Variants in BRF1 observed in about 807,000 individuals in gnomAD.
The protein encoded by BRF1 is transcription factor IIIB 90 kDa subunit.
In BRF1, 59 loss-of-function variants were observed where a neutral mutation model predicts 81.7. The observed-to-expected ratio is 0.72, with a 90% CI of 0.59 to 0.90. The LOEUF (loss-of-function observed/expected upper bound fraction) is 0.90. Ranked by LOEUF, BRF1 falls within the 40% of genes least tolerant of loss-of-function variation. The pLI is 0.00. For synonymous variants in BRF1, 491 were observed against 395.6 expected (o/e 1.24, Z -2.86); for missense variants, 1,050 against 936.3 (o/e 1.12, Z -1.58).
At position 105,286,340 on chromosome 14, in the gene BRF1, T is replaced by A; in HGVS notation, c.221A>T (p.His74Leu). Residue 74 changes from histidine to leucine, a missense_variant, in exon 2 of 18, where the codon CAC becomes CTC. Physicochemically the swap from His to Leu is moderately conservative, Grantham distance 99 (BLOSUM62 -3). This residue lies in a region of BRF1 where 1,043 missense variants were observed against 915.4 expected (regional missense o/e 1.14). Coordinates refer to ENST00000547530, the MANE Select transcript of BRF1 (RefSeq NM_001519.4). ...TCTCGACTCCTTCCCCAGATTCACGTGGAAGCCGCCACCCAGAGTCGGGGT... is the reference window on the plus strand; with the variant it reads ...TCTCGACTCCTTCCCCAGATTCACGAGGAAGCCGCCACCCAGAGTCGGGGT... The part of the protein sequence containing the change: ...GKTPTLGGGF[H>L]VNLGKESRAQ... 4 of 1,613,756 alleles carry A rather than the reference T, an allele frequency of 2.5e-6. No homozygotes were observed. The South Asian group carries it at 3.3e-5, about 13-fold the overall frequency.
chr14:105,289,366 C>A (rs1328001072), intron 1 of BRF1, among the ~76,000 whole-genome samples: 4 of 152,178 alleles, frequency 2.6e-5, no homozygotes, highest in Non-Finnish European at 1.5e-5. Context: ...TAAACAGAAG[C>A]TGGAGCAGGT....
chr14:105,211,294 C>A lies in BRF1; in HGVS notation c.1825-1G>T. 6.3e-7 allele frequency: 1 copy of A among 1,591,250 alleles called. No individual in the cohort carries two copies. The highest frequency in any genetic ancestry group is 8.6e-7 in the Non-Finnish European group (1 of 1,168,276). On this transcript the variant is annotated splice_acceptor_variant, in intron 16 of 17. Coordinates refer to ENST00000547530, the MANE Select transcript of BRF1 (RefSeq NM_001519.4). LOFTEE classifies it high-confidence loss of function. The stretch of plus-strand genomic sequence containing the variant: ...GGGTGGGAGAGCTTGGGAGCAAAGC[C>A]TGGAACGAAGTGGGGCTCTGACACA...
chr14:105,249,029 CA>C, intron 5 of BRF1: 3 of 1,190,200 alleles, frequency 2.5e-6, no homozygotes, highest in Non-Finnish European at 3.1e-6. Context: ...CCACACTCGG[CA>C]ACAACCACCA....
chr14:105,217,601 C>T lies in BRF1; in HGVS notation c.1715G>A (p.Arg572Gln), dbSNP rs746602408. Residue 572 changes from arginine (R) to glutamine (Q), a missense_variant, in exon 15 of 18, where the codon CGA (arginine) becomes CAA (glutamine). Transcript: ENST00000547530. ...ACTTCTGCTGGCCGGCGTCCTCCTT[C>T]GTGACAGCTTCCTGGCACTGGCGCT... ...EHSASARKLS[R>Q]RRTPASRSGA... 1.7e-5 allele frequency: 28 copies of T among 1,613,364 alleles called. No individual in the cohort carries two copies. The highest frequency in any genetic ancestry group is 1.3e-4 in the East Asian group (6 of 44,894).
At chr14:105,250,218 C>T (rs745771973) in intron 5 of BRF1, 9 of 1,612,952 alleles carry the variant, frequency 5.6e-6, no homozygotes, top group South Asian at 2.2e-5. Context: ...GGCCTCGCCC[C>T]GCAGAGGTGC....
intron 1 of BRF1, among the ~76,000 whole-genome samples, chr14:105,294,985 G>A (rs1203341721): frequency 2.6e-5 from 4 of 152,144 alleles, no homozygotes; most frequent in Non-Finnish European, 4.4e-5. Flanking sequence ...AGATGGCTAC[G>A]CTGGTGAATT....
In BRF1 at chr14:105,211,468, T is replaced by TG; in HGVS notation, c.1825-176dup. The TG allele has an allele frequency of 5.0e-6, 3 of 603,196 alleles. No homozygotes were observed. The South Asian group carries it at 6.3e-5, about 13-fold the overall frequency. 37.4% of individuals were successfully genotyped at this position (603,196 alleles called of 1,614,324 possible). On this transcript the variant is annotated intron_variant, in intron 16 of 17. Transcript: ENST00000547530. ...TGGCCCCTTCTGGCCTCCTGGGGGC[T>TG]GTGCCATGAGCTGTGTCAGCATCAA...
At chr14:105,221,118 G>A (rs587698862) in intron 11 of BRF1, among the ~76,000 whole-genome samples, 11 of 152,378 alleles carry the variant, frequency 7.2e-5, no homozygotes, top group South Asian at 2.1e-4. Context: ...GAAGGTCTAG[G>A]CTCTCAGCCA....
At chr14:105,249,945 A>C (rs1404527427) in intron 5 of BRF1, 2 of 1,611,870 alleles carry the variant, frequency 1.2e-6, no homozygotes, top group Non-Finnish European at 1.7e-6. Flanking sequence ...CTCAACACCA[A>C]AGAGGCGGTG....
intron 1 of BRF1, among the ~76,000 whole-genome samples, chr14:105,296,632 G>A (rs1399062664): frequency 3.3e-4 from 49 of 148,734 alleles, no homozygotes; most frequent in African/African-American, 1.2e-3. Context: ...AGTGAGCCAA[G>A]ATGGTGCCAC....
At chr14:105,289,704 C>T (rs915830120) in intron 1 of BRF1, among the ~76,000 whole-genome samples, 1 of 152,070 alleles carries the variant, frequency 6.6e-6, no homozygotes, top group African/African-American at 2.4e-5. Context: ...GGTGCGATCT[C>T]GGCTCACTGC....
chr14:105,250,433 T>A, intron 5 of BRF1: 1 of 1,613,972 alleles, frequency 6.2e-7, no homozygotes, highest in Non-Finnish European at 8.5e-7. Context: ...CAAGTTCATG[T>A]CAGACGGATC....
At chr14:105,211,483 G>A in intron 16 of BRF1, 190 bp from the exon 17 acceptor site, 1 of 579,088 alleles carries the variant, frequency 1.7e-6, no homozygotes, top group Non-Finnish European at 3.0e-6. Context: ...CATGAGCTGT[G>A]TCAGCATCAA....
intron 5 of BRF1, chr14:105,242,353 A>G (rs1055510219): frequency 3.9e-5 from 6 of 152,192 alleles, no homozygotes; most frequent in African/African-American, 1.4e-4. Flanking sequence ...TTGGAGAAAA[A>G]AATTAGATAA....
intron 2 of BRF1, among the ~76,000 whole-genome samples, chr14:105,283,291 T>G (rs966725500): frequency 3.3e-5 from 5 of 152,166 alleles, no homozygotes; most frequent in African/African-American, 9.7e-5. Context: ...GAGCGGTGCC[T>G]GGCCCGGGGC....
intron 5 of BRF1, among the ~76,000 whole-genome samples, chr14:105,245,648 G>A (rs587623896): frequency 9.2e-5 from 14 of 152,176 alleles, no homozygotes; most frequent in Non-Finnish European, 1.6e-4. Flanking sequence ...CTTCAACAAG[G>A]GTGACAAGAA....
At position 105,269,792 on chromosome 14, in the gene BRF1, G is replaced by A. The variant is rs372053681; in HGVS notation, c.439+2929C>T. 6.6e-6 allele frequency among the ~76,000 whole-genome samples: 1 copy of A among 152,176 alleles called. No homozygotes were observed. Among genetic ancestry groups the A allele is most frequent in the African/African-American group, 2.4e-5 (1 of 41,442 alleles). On this transcript the variant is annotated intron_variant, in intron 3 of 17. Transcript: ENST00000547530. The surrounding 1 kb of genome is among the most constrained non-coding windows in gnomAD (Gnocchi z 5.0). ...GGCCCAGTGAGGCAGCAGCATGGAC[G>A]TGGTTCCACCCCACCTTGCTGACGC...
At chr14:105,264,749 G>A (rs1481483040) in intron 3 of BRF1, among the ~76,000 whole-genome samples, 1 of 151,292 alleles carries the variant, frequency 6.6e-6, no homozygotes, top group Non-Finnish European at 1.5e-5. Context: ...GCTGAGGTGA[G>A]AGGATTGCTC....
chr14:105,300,375 G>A, intron 1 of BRF1, 71 bp downstream of exon 1: 1 of 1,379,518 alleles, frequency 7.2e-7, no homozygotes, highest in Non-Finnish European at 9.4e-7. Context: ...GGTCCCGGCC[G>A]CGCCGTCACC....
Sources: gnomAD v4.1 joint callset for allele counts (sites outside exome capture counted in the v4.1 genomes callset) on GRCh38, gnomAD v4.1.1 for gene constraint, gnomAD v4.1.1 regional missense constraint, Gnocchi (gnomAD v3.1) non-coding constraint, MANE v1.5 for transcripts, NCBI Gene and HGNC (gene_info 2026-07-23, HGNC 2026-07-21) for gene names.